The following TTC39A variants were observed in gnomAD, a reference collection of about 807,000 sequenced individuals.
TTC39A encodes the protein tetratricopeptide repeat domain 39A.
TTC39A carries 46 observed loss-of-function variants against 82.3 expected under a neutral mutation model. That is an observed-to-expected ratio of 0.56 (90% CI 0.44 to 0.71). The LOEUF (loss-of-function observed/expected upper bound fraction) is 0.71. TTC39A is among the 30% of genes least tolerant of loss of function. The probability of loss-of-function intolerance (pLI) is 0.00; values close to 1 mark genes in which losing one functional copy is unlikely to be tolerated. For synonymous variants in TTC39A, 254 were observed against 275.2 expected, an observed-to-expected ratio of 0.92 and a Z score of 0.76; for missense variants, 543 against 712.9, an observed-to-expected ratio of 0.76 and a Z score of 2.71.
rs1411400411 is a variant in TTC39A, at chr1:51,287,678, G to C, written c.*479C>G. ...TTAGCCTCTCCCAGGCATTCCTCAG[G>C]TCCTCTGAAGGACCTTCCGTCACAC... On this transcript the variant is annotated 3_prime_UTR_variant, in exon 18 of 18. Coordinates refer to ENST00000680483, the MANE Select transcript of TTC39A (RefSeq NM_001297663.2). 1 of 161,800 alleles carries C rather than the reference G, an allele frequency of 6.2e-6. No individual in the cohort carries two copies. The highest frequency in any genetic ancestry group is 1.4e-5 in the Non-Finnish European group (1 of 72,756). The allele number at this position is 161,800 out of a possible 1,614,324, so 10.0% of individuals were successfully genotyped here.
At chr1:51,333,809 A>C (rs1261043573), upstream of TTC39A, among the ~76,000 whole-genome samples, 1 of 152,172 alleles carries the variant, frequency 6.6e-6, no homozygotes, top group African/African-American at 2.4e-5. Flanking sequence ...TCTGTGTCTC[A>C]GGGCCTGACA....
chr1:51,296,402 T>C (rs1422566420), intron 12 of TTC39A, among the ~76,000 whole-genome samples: 1 of 152,212 alleles, frequency 6.6e-6, no homozygotes, highest in African/African-American at 2.4e-5. Flanking sequence ...GAAGAACCCA[T>C]GCAACTAGTA....
At chr1:51,293,315 C>T (rs971042179) in intron 14 of TTC39A, among the ~76,000 whole-genome samples, 1 of 152,204 alleles carries the variant, frequency 6.6e-6, no homozygotes, top group Non-Finnish European at 1.5e-5. Context: ...GATCTGCCTG[C>T]CTTAGCCTCC....
chr1:51,312,244 A>G (rs1241463663), intron 3 of TTC39A, 49 bp from the exon 4 acceptor site: 3 of 1,510,500 alleles, frequency 2.0e-6, no homozygotes, highest in Middle Eastern at 1.7e-4. Context: ...GAGAGGCCAC[A>G]CTTGTCTCTG....
intron 2 of TTC39A, among the ~76,000 whole-genome samples, chr1:51,320,538 T>G (rs1281599297): frequency 2.0e-5 from 3 of 150,116 alleles, no homozygotes; most frequent in Non-Finnish European, 4.4e-5. Context: ...ATCCTCCCAC[T>G]TCAGCCTCCC....
At position 51,305,203 on chromosome 1, in the gene TTC39A, C is replaced by G; in HGVS notation, c.589-57G>C. The stretch of plus-strand genomic sequence containing the variant: ...GGTACCCAGAGTGGGCAGGGGCCAC[C>G]CCCACTGTCCCAAGTCTAGCTCTTT... On this transcript the variant is annotated intron_variant, in intron 7 of 17. Coordinates refer to ENST00000680483, the MANE Select transcript of TTC39A (RefSeq NM_001297663.2). 2.0e-5 allele frequency: 31 copies of G among 1,535,252 alleles called. No individual in the cohort carries two copies. In the South Asian group the frequency reaches 3.4e-4, roughly 17 times the overall value.
chr1:51,299,903 A>T (rs948647704), intron 12 of TTC39A: 2 of 152,210 alleles, frequency 1.3e-5, no homozygotes, highest in African/African-American at 2.4e-5. Flanking sequence ...AGCCTGACCA[A>T]CATAGCAAGA....
Position 51,311,328 on chromosome 1 carries a change from G to T in TTC39A, c.356-7C>A. ...ACCTCAGCGTGGATTTCCTCTGTGG[G>T]GAGAAAACCAAAGCCCCGTGGCCTC... On this transcript the variant is annotated splice_region_variant and splice_polypyrimidine_tract_variant and intron_variant, in intron 4 of 17. Coordinates refer to ENST00000680483, the MANE Select transcript of TTC39A (RefSeq NM_001297663.2). 1.3e-6 allele frequency: 2 copies of T among 1,570,454 alleles called. No individual in the cohort carries two copies. The highest frequency in any genetic ancestry group is 1.7e-6 in the Non-Finnish European group (2 of 1,158,116).
intron 6 of TTC39A, among the ~76,000 whole-genome samples, chr1:51,308,652 T>A (rs1474700902): frequency 6.6e-6 from 1 of 152,210 alleles, no homozygotes; most frequent in African/African-American, 2.4e-5. Context: ...TATGGAGCCA[T>A]GTTGGGTAAA....
chr1:51,325,365 A>C (rs191932985), intron 1 of TTC39A, among the ~76,000 whole-genome samples: 1 of 151,830 alleles, frequency 6.6e-6, no homozygotes, highest in East Asian at 1.9e-4. Flanking sequence ...AAAAGGCCCC[A>C]CCTGATGTGG....
chr1:51,314,427 T>C (rs1306975724), intron 2 of TTC39A, among the ~76,000 whole-genome samples: 2 of 152,240 alleles, frequency 1.3e-5, no homozygotes, highest in Non-Finnish European at 2.9e-5. Context: ...AGGTTTATGC[T>C]GGGAACTTCA....
At chr1:51,291,775 C>T (rs1644232198) in intron 14 of TTC39A, among the ~76,000 whole-genome samples, 1 of 150,790 alleles carries the variant, frequency 6.6e-6, no homozygotes, top group African/African-American at 2.4e-5. Context: ...CACTGCATTC[C>T]AGCCTGGGTG....
intron 2 of TTC39A, among the ~76,000 whole-genome samples, chr1:51,319,345 G>A (rs1645406831): frequency 6.6e-6 from 1 of 151,970 alleles, no homozygotes; most frequent in Admixed American, 6.6e-5. Context: ...GAGAGGGAGA[G>A]GGAAGAGGCT....
At chr1:51,290,767 C>CT in intron 14 of TTC39A, 142 bp from the exon 15 acceptor site, 1 of 644,296 alleles carries the variant, frequency 1.6e-6, no homozygotes, top group Non-Finnish European at 2.7e-6. Flanking sequence ...CTCAGTCAGC[C>CT]TGTGAAGCTG....
intron 1 of TTC39A, among the ~76,000 whole-genome samples, chr1:51,324,645 C>T (rs1016169930): frequency 1.3e-5 from 2 of 152,186 alleles, no homozygotes; most frequent in African/African-American, 4.8e-5. Flanking sequence ...CCTCAGCCTC[C>T]CAAGCAGCTG....
At chr1:51,296,629 T>C (rs1644438948) in intron 12 of TTC39A, among the ~76,000 whole-genome samples, 1 of 152,206 alleles carries the variant, frequency 6.6e-6, no homozygotes, top group African/African-American at 2.4e-5. Context: ...GCACGGGCTG[T>C]AAAAAGAAGA....
At position 51,320,879 on chromosome 1, in the gene TTC39A, T is replaced by G. The variant is rs1462039016; in HGVS notation, c.146+842A>C. On this transcript the variant is annotated intron_variant, in intron 2 of 17. Transcript: ENST00000680483. ...TCAGTAGATGTTTTCTGGTTTTTTT[T>G]TTTTTTTTTTTGAGACAGAGTCTTG... Among the ~76,000 whole-genome samples the G allele has an allele frequency of 3.3e-5, 5 of 149,608 alleles. No homozygotes were observed. The East Asian group carries it at 5.8e-4, about 17-fold the overall frequency.
Position 51,321,674 on chromosome 1 carries a change from C to A in TTC39A, c.146+47G>T. On this transcript the variant is annotated intron_variant, in intron 2 of 17. Transcript: ENST00000680483. The surrounding 1 kb of genome is among the most constrained non-coding windows in gnomAD (Gnocchi z 4.6). ...TCTCATACAAGACCTCTGGTTCTCC[C>A]TGACCGTCATGCACACCCCCTACCC... is the stretch of plus-strand genomic sequence containing the variant. The A allele has an allele frequency of 6.4e-7, 1 of 1,574,552 alleles. No homozygotes were observed. Among genetic ancestry groups the A allele is most frequent in the South Asian group, 1.1e-5 (1 of 87,766 alleles).
At chr1:51,312,338 GT>G in intron 3 of TTC39A, 143 bp from the exon 4 acceptor site, 1 of 874,264 alleles carries the variant, frequency 1.1e-6, no homozygotes, top group Non-Finnish European at 1.7e-6. Context: ...AACAGAAGAG[GT>G]TTGATATTCT....
Sources: gnomAD v4.1 joint callset for allele counts (sites outside exome capture counted in the v4.1 genomes callset) on GRCh38, gnomAD v4.1.1 for gene constraint, Gnocchi (gnomAD v3.1) non-coding constraint, MANE v1.5 for transcripts, NCBI Gene and HGNC (gene_info 2026-07-23, HGNC 2026-07-21) for gene names.